Variants in SEMA3A observed in about 807,000 individuals in gnomAD.
The protein encoded by SEMA3A is semaphorin-3A.
Under a neutral mutation model 97.9 loss-of-function variants are expected in SEMA3A, and 29 were observed. The ratio of observed to expected loss-of-function variants is 0.30; its 90% confidence interval spans 0.22 to 0.40. The LOEUF is 0.40. Among genes scored for constraint, SEMA3A ranks in the 10% least tolerant of loss-of-function variants. The pLI, the probability that SEMA3A is intolerant of heterozygous loss-of-function variation, is 1.00. For synonymous variants in SEMA3A, 321 were observed against 323.7 expected (o/e 0.99, Z 0.09); for missense variants, 763 against 951.3 (o/e 0.80, Z 2.60).
chr7:84,292,127 T>C (rs193042817), intron 3 of SEMA3A, among the ~76,000 whole-genome samples: 26 of 152,164 alleles, frequency 1.7e-4, no homozygotes, highest in Non-Finnish European at 3.2e-4. Context: ...CTCTAACCAC[T>C]CAACAAGCAA....
At position 84,389,439 on chromosome 7, in the gene SEMA3A, C is replaced by A. The variant is rs913050865; in HGVS notation, c.-245-17539G>T. ...CCTATCTATACGGCTTTTATGGTTT[C>A]ATTTCCCCTTTTTGATTTTCAAGTA... On this transcript the variant is annotated intron_variant, in intron 1 of 3. Coordinates refer to the SEMA3A transcript ENST00000424555. Among the ~76,000 whole-genome samples the A allele has an allele frequency of 2.6e-5, 4 of 152,118 alleles. No individual in the cohort carries two copies. In the East Asian group the frequency reaches 7.7e-4, roughly 29 times the overall value.
chr7:84,262,712 A>C (rs1395420617), intron 3 of SEMA3A, among the ~76,000 whole-genome samples: 1 of 152,242 alleles, frequency 6.6e-6, no homozygotes, highest in Non-Finnish European at 1.5e-5. Context: ...AAATATAATC[A>C]GTAGAAGCAC....
chr7:84,122,777 A>T (rs2115993233), intron 3 of SEMA3A, among the ~76,000 whole-genome samples: 1 of 152,316 alleles, frequency 6.6e-6, no homozygotes, highest in African/African-American at 2.4e-5. Context: ...TTCACTTGGC[A>T]AAAATTAGTG....
rs193174471 is a variant in SEMA3A, at chr7:84,190,014, T to C, written c.112+4461A>G. 3.7e-3 allele frequency among the ~76,000 whole-genome samples: 555 copies of C among 151,764 alleles called. 3 individuals carry two copies. Among genetic ancestry groups the C allele is most frequent in the Middle Eastern group, 0.031 (9 of 294 alleles). On this transcript the variant is annotated intron_variant, in intron 1 of 16. Transcript: ENST00000265362. ...AGAAAAAAACCCTAAAAAGTTAGAA[T>C]TGGGAAAATTATCTATTCAGTATTC...
intron 2 of SEMA3A, among the ~76,000 whole-genome samples, chr7:84,318,318 T>TG (rs1801561532): frequency 1.7e-5 from 1 of 60,116 alleles, no homozygotes. Flanking sequence ...GATTTCTTGG[T>TG]TTTTTTTTTT....
At chr7:84,144,589 G>A (rs1264231251) in intron 1 of SEMA3A, among the ~76,000 whole-genome samples, 1 of 152,110 alleles carries the variant, frequency 6.6e-6, no homozygotes, top group Non-Finnish European at 1.5e-5. Flanking sequence ...TCACGTACAA[G>A]GGAAGATATC....
intron 1 of SEMA3A, among the ~76,000 whole-genome samples, chr7:84,471,192 A>G (rs191040463): frequency 6.6e-6 from 1 of 152,220 alleles, no homozygotes; most frequent in Non-Finnish European, 1.5e-5. Context: ...CTTGATCATA[A>G]GCATTAATCC....
At chr7:83,972,387 G>A (rs1788953914) in intron 15 of SEMA3A, among the ~76,000 whole-genome samples, 1 of 151,874 alleles carries the variant, frequency 6.6e-6, no homozygotes, top group South Asian at 2.1e-4. Context: ...GATATCTACT[G>A]TAATATTTAT....
intron 15 of SEMA3A, among the ~76,000 whole-genome samples, chr7:83,963,942 GA>G (rs771058965): frequency 5.9e-5 from 9 of 152,130 alleles, no homozygotes; most frequent in Non-Finnish European, 1.2e-4. Flanking sequence ...CAATTGGTGT[GA>G]AAAGTTAGGG....
intron 2 of SEMA3A, among the ~76,000 whole-genome samples, chr7:84,327,809 T>C (rs1185234864): frequency 6.6e-6 from 1 of 151,986 alleles, no homozygotes; most frequent in African/African-American, 2.4e-5. Context: ...CAAGCTTCAA[T>C]GTAGAAAAGC....
intron 6 of SEMA3A, among the ~76,000 whole-genome samples, chr7:84,015,884 C>A (rs1791079094): frequency 6.6e-6 from 1 of 152,058 alleles, no homozygotes; most frequent in Non-Finnish European, 1.5e-5. Context: ...GAAATATTAC[C>A]TGTTCATATT....
At chr7:84,227,623 T>A (rs188267993) in intron 3 of SEMA3A, among the ~76,000 whole-genome samples, 1 of 152,234 alleles carries the variant, frequency 6.6e-6, no homozygotes, top group East Asian at 1.9e-4. Flanking sequence ...TGAGTAGGCA[T>A]CCTTACAGGC....
intron 3 of SEMA3A, among the ~76,000 whole-genome samples, chr7:84,256,380 T>G (rs564520277): frequency 6.6e-6 from 1 of 152,174 alleles, no homozygotes; most frequent in South Asian, 2.1e-4. Context: ...TTGAAGTGCA[T>G]TACAACTGCT....
In SEMA3A at chr7:84,219,014, A is replaced by G. The variant is rs552639718; in HGVS notation, c.-82-24346T>C. 3.3e-5 allele frequency among the ~76,000 whole-genome samples: 5 copies of G among 152,232 alleles called. 1 individual carries two copies. In the South Asian group the frequency reaches 1.0e-3, roughly 32 times the overall value. ...AAAAATATTGGTATGGAGGATCTACAAAGCACTCACTACTCCTCTCAAGGA... is the reference window on the plus strand; with the variant it reads ...AAAAATATTGGTATGGAGGATCTACGAAGCACTCACTACTCCTCTCAAGGA... On this transcript the variant is annotated intron_variant, in intron 3 of 3. Transcript: ENST00000424555.
At position 84,332,182 on chromosome 7, in the gene SEMA3A, A is replaced by C. The variant is rs866527014; in HGVS notation, c.-168-24890T>G. ...GGTCATTGAATCATGTGATATGTTA[A>C]TATCAAGTGGCTCATAGCAGATGTT... On this transcript the variant is annotated intron_variant, in intron 2 of 3. Transcript: ENST00000424555. Among the ~76,000 whole-genome samples the C allele has an allele frequency of 2.0e-5, 3 of 152,130 alleles. 1 individual carries two copies. In the South Asian group the frequency reaches 6.2e-4, roughly 32 times the overall value.
intron 6 of SEMA3A, among the ~76,000 whole-genome samples, chr7:84,042,232 A>G (rs1252027441): frequency 6.6e-6 from 1 of 152,112 alleles, no homozygotes; most frequent in Non-Finnish European, 1.5e-5. Context: ...ATTACAAGTG[A>G]GAGGAAGTGA....
At chr7:84,365,186 G>C (rs1237048312) in intron 2 of SEMA3A, among the ~76,000 whole-genome samples, 10 of 151,568 alleles carry the variant, frequency 6.6e-5, no homozygotes, top group Admixed American at 5.9e-4. Context: ...ATGATGTTGT[G>C]ACAAGGAGAA....
intron 4 of SEMA3A, among the ~76,000 whole-genome samples, chr7:84,089,190 G>C (rs1794484551): frequency 6.6e-6 from 1 of 152,098 alleles, no homozygotes; most frequent in African/African-American, 2.4e-5. Flanking sequence ...AAGAAGAATA[G>C]AAATCTCAAA....
At chr7:84,110,006 C>T (rs1308578574) in intron 4 of SEMA3A, among the ~76,000 whole-genome samples, 1 of 151,998 alleles carries the variant, frequency 6.6e-6, no homozygotes. Context: ...CTTAGCCAAG[C>T]AAGAATACAA....
Sources: allele counts gnomAD v4.1 joint callset (sites outside exome capture counted in the v4.1 genomes callset), GRCh38; gene constraint gnomAD v4.1.1; transcripts MANE v1.5; gene names NCBI Gene and HGNC (gene_info 2026-07-23, HGNC 2026-07-21).